The following ETFA variants were observed in gnomAD, a reference collection of about 807,000 sequenced individuals.
ETFA encodes electron transfer flavoprotein subunit alpha, mitochondrial.
ETFA carries 22 observed loss-of-function variants against 46.2 expected under a neutral mutation model. The ratio of observed to expected loss-of-function variants is 0.48; its 90% CI spans 0.34 to 0.68. The LOEUF (loss-of-function observed/expected upper bound fraction) is 0.68. ETFA is among the 30% of genes least tolerant of loss of function. The pLI, the probability that ETFA is intolerant of heterozygous loss-of-function variation, is 0.01. For synonymous variants in ETFA, 131 were observed against 139.9 expected (o/e 0.94, Z 0.45); for missense variants, 345 against 401.1 (o/e 0.86, Z 1.19).
At chr15:76,260,265 C>G in intron 9 of ETFA, 2 of 1,176,774 alleles carry the variant, frequency 1.7e-6, no homozygotes, top group Non-Finnish European at 1.3e-6. Flanking sequence ...ATTGAAGGAC[C>G]GGGCTGCCCA....
At chr15:76,264,340 C>T (rs934637990) in intron 9 of ETFA, among the ~76,000 whole-genome samples, 8 of 152,180 alleles carry the variant, frequency 5.3e-5, no homozygotes, top group African/African-American at 1.7e-4. Context: ...AGTGCAGTCA[C>T]CTGTGCTTGT....
chr15:76,263,061 A>G (rs1208531010), intron 9 of ETFA, among the ~76,000 whole-genome samples: 2 of 152,198 alleles, frequency 1.3e-5, no homozygotes, highest in Admixed American at 1.3e-4. Flanking sequence ...TCAAGTAGCC[A>G]TATGTTTCAA....
rs577047126 is a variant in ETFA, at chr15:76,270,604, C to A, written c.816+3808G>T. Among the ~76,000 whole-genome samples the A allele has an allele frequency of 4.6e-5, 7 of 152,210 alleles. No homozygotes were observed. The East Asian group carries it at 1.4e-3, about 29-fold the overall frequency. ...GAGATATTGGCTTCTAAATACTTTTCTTCAGCAAAAGGAACCAGGATTCCT... is the reference window on the plus strand; with the variant it reads ...GAGATATTGGCTTCTAAATACTTTTATTCAGCAAAAGGAACCAGGATTCCT... On this transcript the variant is annotated intron_variant, in intron 9 of 11. Coordinates refer to ENST00000557943, the MANE Select transcript of ETFA (RefSeq NM_000126.4).
intron 9 of ETFA, among the ~76,000 whole-genome samples, chr15:76,234,341 A>G (rs926577139): frequency 1.3e-5 from 2 of 152,168 alleles, no homozygotes; most frequent in African/African-American, 4.8e-5. Context: ...CTAATTCCTC[A>G]TGGTTCAGAA....
At chr15:76,303,083 T>C (rs2039896957) in intron 1 of ETFA, among the ~76,000 whole-genome samples, 1 of 152,090 alleles carries the variant, frequency 6.6e-6, no homozygotes, top group African/African-American at 2.4e-5. Flanking sequence ...GGCGAGTGGA[T>C]CACCTAAGGT....
chr15:76,261,478 T>G (rs2039412580), intron 9 of ETFA: 1 of 854,996 alleles, frequency 1.2e-6, no homozygotes, highest in African/African-American at 1.7e-5. Context: ...CCACTGGATG[T>G]CAGGCTCCTC....
At chr15:76,249,096 TA>T (rs1207961599) in intron 9 of ETFA, among the ~76,000 whole-genome samples, 1 of 151,172 alleles carries the variant, frequency 6.6e-6, no homozygotes, top group Non-Finnish European at 1.5e-5. Flanking sequence ...AAAATTGTGC[TA>T]AAATATATAT....
intron 9 of ETFA, among the ~76,000 whole-genome samples, chr15:76,270,446 T>C (rs1278842864): frequency 6.6e-6 from 1 of 152,236 alleles, no homozygotes; most frequent in Non-Finnish European, 1.5e-5. Context: ...TAAATGTGTT[T>C]GTATATGCAG....
intron 9 of ETFA, among the ~76,000 whole-genome samples, chr15:76,269,134 T>C (rs1375133408): frequency 1.3e-5 from 2 of 152,180 alleles, no homozygotes; most frequent in Non-Finnish European, 2.9e-5. Flanking sequence ...TGTCTCCTTT[T>C]AGTCTGCAGA....
chr15:76,301,249 T>C (rs117914873), intron 1 of ETFA, among the ~76,000 whole-genome samples: 311 of 152,330 alleles, frequency 2.0e-3, no homozygotes, highest in Non-Finnish European at 3.9e-3. Context: ...TGTAATTGCC[T>C]TCATTACAGC....
intron 9 of ETFA, among the ~76,000 whole-genome samples, chr15:76,231,615 T>A (rs927284898): frequency 6.6e-6 from 1 of 152,180 alleles, no homozygotes; most frequent in African/African-American, 2.4e-5. Context: ...GTAAAATAAA[T>A]ATGTGGATAA....
Position 76,287,845 on chromosome 15 carries a change from C to T in ETFA, c.451+1G>A, listed in dbSNP as rs780367967. On this transcript the variant is annotated splice_donor_variant, in intron 5 of 11. Coordinates refer to ENST00000557943, the MANE Select transcript of ETFA (RefSeq NM_000126.4). LOFTEE classifies it high-confidence loss of function. Reference sequence around the variant, plus strand: ...ATTAATTATCTTCCTTGAGTACTCACCTGCATAAATAGTTCTCACAAATGT... The same window carrying T: ...ATTAATTATCTTCCTTGAGTACTCATCTGCATAAATAGTTCTCACAAATGT... 1.9e-6 allele frequency: 3 copies of T among 1,581,486 alleles called. No homozygotes were observed. Among genetic ancestry groups the T allele is most frequent in the African/African-American group, 1.3e-5 (1 of 74,288 alleles).
intron 2 of ETFA, among the ~76,000 whole-genome samples, chr15:76,293,307 C>G (rs1299940742): frequency 2.6e-5 from 4 of 152,160 alleles, no homozygotes; most frequent in Admixed American, 1.3e-4. Flanking sequence ...CAACATGGCT[C>G]TTTATTCAAA....
chr15:76,237,075 CAG>C (rs1285630256), intron 9 of ETFA, among the ~76,000 whole-genome samples: 2 of 152,196 alleles, frequency 1.3e-5, no homozygotes, highest in South Asian at 2.1e-4. Flanking sequence ...GATTTTGAGA[CAG>C]AGTCTCACTC....
chr15:76,261,118 T>C (rs2039407175), intron 9 of ETFA: 5 of 1,510,290 alleles, frequency 3.3e-6, no homozygotes, highest in Admixed American at 3.3e-5. Flanking sequence ...ATGGGTGCTC[T>C]GGGTCACCCC....
At chr15:76,298,608 C>T (rs750325273) in intron 1 of ETFA, among the ~76,000 whole-genome samples, 9 of 152,104 alleles carry the variant, frequency 5.9e-5, no homozygotes, top group Non-Finnish European at 1.0e-4. Context: ...GAAACTGGAG[C>T]TTAGCAGCTA....
At chr15:76,278,108 AC>A (rs1223620206) in intron 8 of ETFA, among the ~76,000 whole-genome samples, 1 of 152,172 alleles carries the variant, frequency 6.6e-6, no homozygotes, top group Non-Finnish European at 1.5e-5. Context: ...AAAGACCTAC[AC>A]TAGTCTTATC....
intron 8 of ETFA, among the ~76,000 whole-genome samples, chr15:76,282,847 G>T (rs1358660680): frequency 2.0e-5 from 3 of 152,030 alleles, no homozygotes; most frequent in Admixed American, 6.6e-5. Context: ...TCAAAACAGG[G>T]TCTCAATTAG....
chr15:76,238,141 T>C (rs540551203), intron 9 of ETFA, among the ~76,000 whole-genome samples: 18 of 152,320 alleles, frequency 1.2e-4, no homozygotes, highest in Admixed American at 4.6e-4. Flanking sequence ...TTTTCTGGAA[T>C]TGGAACAGTA....
Sources: gnomAD v4.1 joint callset for allele counts (sites outside exome capture counted in the v4.1 genomes callset) on GRCh38, gnomAD v4.1.1 for gene constraint, MANE v1.5 for transcripts, NCBI Gene and HGNC (gene_info 2026-07-23, HGNC 2026-07-21) for gene names.